The following LRCH2 variants were observed in gnomAD, a reference collection of about 807,000 sequenced individuals.
LRCH2 encodes leucine rich repeats and calponin homology domain containing 2, also known as leucine-rich repeat and calponin homology domain-containing protein 2.
In LRCH2, 38 loss-of-function variants were observed where a neutral mutation model predicts 68.9. That is an observed-to-expected ratio of 0.55 (90% CI 0.43 to 0.72). The LOEUF (loss-of-function observed/expected upper bound fraction) is 0.72, where lower values mean the gene tolerates loss of function less well. Among genes scored for constraint, LRCH2 ranks in the 30% least tolerant of loss-of-function variants. The pLI is 0.00. For missense variants in LRCH2, 528 were observed against 572.9 expected (o/e 0.92, Z 0.80); for synonymous variants, 191 against 208.1 (o/e 0.92, Z 0.71).
At chrX:115,148,023 T>C (rs1290571447) in intron 14 of LRCH2, among the ~76,000 whole-genome samples, 1 of 110,973 alleles carries the variant, frequency 9.0e-6, no homozygotes, top group Non-Finnish European at 1.9e-5. Context: ...TGTGCTATGA[T>C]CACGCTATTG....
chrX:115,202,120 A>G (rs1023488891), intron 1 of LRCH2, among the ~76,000 whole-genome samples: 1 of 112,141 alleles, frequency 8.9e-6, no homozygotes, highest in Non-Finnish European at 1.9e-5. Context: ...CCAAAATACC[A>G]ACATCATTTT....
chrX:115,159,942 A>G (rs2072505258), intron 11 of LRCH2, among the ~76,000 whole-genome samples: 2 of 110,847 alleles, frequency 1.8e-5, no homozygotes, highest in African/African-American at 6.6e-5. Context: ...TCTGTACAAT[A>G]TCCTCTTGCT....
At chrX:115,146,912 C>T (rs1348641816) in intron 14 of LRCH2, among the ~76,000 whole-genome samples, 3 of 48,544 alleles carry the variant, frequency 6.2e-5, no homozygotes, top group African/African-American at 9.6e-5. Flanking sequence ...TACATACACA[C>T]ACACACACAC....
intron 1 of LRCH2, among the ~76,000 whole-genome samples, chrX:115,217,708 T>A (rs1437632536): frequency 8.9e-6 from 1 of 111,995 alleles, no homozygotes; most frequent in African/African-American, 3.2e-5. Flanking sequence ...TGTCTCTTTA[T>A]AGTAGAATGA....
chrX:115,183,053 TGCACACGCAC>T lies in LRCH2; in HGVS notation c.621+1348_621+1357del, dbSNP rs1236382710. ...AAAGAAGAATTAGGACAGTCACGCA[TGCACACGCAC>T]GCACACGCACACACACACACACACA... On this transcript the variant is annotated intron_variant, in intron 3 of 20. Transcript: ENST00000317135. 9.2e-5 allele frequency among the ~76,000 whole-genome samples: 10 copies of T among 108,609 alleles called. No individual in the cohort carries two copies. The South Asian group carries it at 1.2e-3, about 13-fold the overall frequency. The allele number at this position is 108,609 out of a possible 115,157, so 94.3% of individuals were successfully genotyped here. A position where few individuals can be genotyped will look rare whatever the true frequency, so the allele number is the denominator to read the frequency against.
At chrX:115,176,989 C>CA (rs1178427700) in intron 5 of LRCH2, among the ~76,000 whole-genome samples, 2 of 105,727 alleles carry the variant, frequency 1.9e-5, no homozygotes, top group African/African-American at 6.9e-5. Context: ...TCAGGCGATC[C>CA]ATCTGCCTCA....
chrX:115,123,420 C>T (rs1299703463), intron 17 of LRCH2, among the ~76,000 whole-genome samples: 2 of 112,029 alleles, frequency 1.8e-5, no homozygotes, highest in African/African-American at 6.5e-5. Flanking sequence ...TGTTCTTATT[C>T]AAACATACGT....
At position 115,221,435 on chromosome X, in the gene LRCH2, G is replaced by A. The variant is rs1263521137; in HGVS notation, c.349+12258C>T. On this transcript the variant is annotated intron_variant, in intron 1 of 20. Transcript: ENST00000317135. The stretch of plus-strand genomic sequence containing the variant: ...GAACAGGGTATATATTTATGAAGTA[G>A]TGGAAAACACAGAGGAAAACCAAAG... 4.6e-5 allele frequency among the ~76,000 whole-genome samples: 5 copies of A among 108,919 alleles called. No homozygotes were observed. In the East Asian group the frequency reaches 1.4e-3, roughly 31 times the overall value. The allele number at this position is 108,919 out of a possible 115,157, so 94.6% of individuals were successfully genotyped here.
chrX:115,204,550 AG>A (rs2072952558), intron 1 of LRCH2, among the ~76,000 whole-genome samples: 1 of 112,455 alleles, frequency 8.9e-6, no homozygotes, highest in Non-Finnish European at 1.9e-5. Flanking sequence ...AGAAACAGCC[AG>A]GTCACATCTT....
At position 115,197,728 on chromosome X, in the gene LRCH2, G is replaced by A. The variant is rs1444752007; in HGVS notation, c.350-9358C>T. On this transcript the variant is annotated intron_variant, in intron 1 of 20. Coordinates refer to ENST00000317135, the MANE Select transcript of LRCH2 (RefSeq NM_020871.4). ...GATCACACCACTACACTCCAGCCTG[G>A]GCAAAAGAAAAAGTCTCTCTCTCTC... is the stretch of plus-strand genomic sequence containing the variant. 4.7e-5 allele frequency among the ~76,000 whole-genome samples: 5 copies of A among 106,144 alleles called. No homozygotes were observed. In the East Asian group the frequency reaches 1.5e-3, roughly 31 times the overall value. The allele number at this position is 106,144 out of a possible 115,157, so 92.2% of individuals were successfully genotyped here. A position where few individuals can be genotyped will look rare whatever the true frequency, so the allele number is the denominator to read the frequency against.
intron 15 of LRCH2, among the ~76,000 whole-genome samples, chrX:115,128,950 A>G (rs1214991859): frequency 8.9e-6 from 1 of 112,120 alleles, no homozygotes; most frequent in Non-Finnish European, 1.9e-5. Flanking sequence ...TCACCTGGTA[A>G]TTTTAGTGTA....
At chrX:115,233,640 A>G in intron 1 of LRCH2, 53 bp downstream of exon 1, 3 of 1,069,427 alleles carry the variant, frequency 2.8e-6, no homozygotes, top group Non-Finnish European at 3.7e-6. Context: ...GCAGCCACCC[A>G]CTCCCCGCAC....
intron 1 of LRCH2, chrX:115,191,068 C>T: frequency 8.6e-7 from 1 of 1,162,570 alleles, no homozygotes. Flanking sequence ...CAGTTACGGC[C>T]AGAGCCACCG....
intron 14 of LRCH2, among the ~76,000 whole-genome samples, chrX:115,141,184 G>A (rs2072335433): frequency 9.4e-6 from 1 of 106,606 alleles, no homozygotes; most frequent in African/African-American, 3.4e-5. Context: ...CTTGCAGTGA[G>A]CCGAGATCAC....
chrX:115,192,508 C>T (rs782793535), intron 1 of LRCH2: 2 of 1,169,927 alleles, frequency 1.7e-6, no homozygotes, highest in Admixed American at 2.6e-5. Context: ...CAGACCGGAT[C>T]GTGGGCTCCC....
intron 14 of LRCH2, among the ~76,000 whole-genome samples, chrX:115,148,707 T>G (rs1556537302): frequency 9.0e-6 from 1 of 111,674 alleles, no homozygotes; most frequent in Non-Finnish European, 1.9e-5. Flanking sequence ...CTTTCACTAT[T>G]ATTGACCAGG....
rs181374978 is a variant in LRCH2, at chrX:115,179,686, C to T, written c.687G>A (p.Glu229=). 4,529 of 1,162,194 alleles carry T rather than the reference C, an allele frequency of 3.9e-3. 11 individuals are homozygous for T. The highest frequency in any genetic ancestry group is 4.7e-3 in the Non-Finnish European group (4,090 of 873,021). Residue 229 remains glutamate, a synonymous_variant, in exon 4 of 21, where the codon GAG becomes GAA. Coordinates refer to ENST00000317135, the MANE Select transcript of LRCH2 (RefSeq NM_020871.4). ...GAAGATTATTTCTTCTTATATTTAG[C>T]TCTCTAAGTGAATGTAATTTTCCCA... ...QQMGKLHSLR[E]LNIRRNNLHV...
chrX:115,185,916 G>A (rs1244027959), intron 2 of LRCH2, among the ~76,000 whole-genome samples: 2 of 111,780 alleles, frequency 1.8e-5, no homozygotes, highest in Non-Finnish European at 3.8e-5. Flanking sequence ...TAGTATATAG[G>A]AAGAGAGAAG....
In LRCH2 at chrX:115,113,268, T is replaced by G. The variant is rs1603013137; in HGVS notation, c.2246A>C (p.Gln749Pro). ...RGLVKVGVTVQALLELPTTKA... is the reference protein window; with the variant it reads ...RGLVKVGVTVPALLELPTTKA... ...GGTTGTTGGTAATTCAAGGAGCGCC[T>G]GAACTGTGACACCAACTTTCACAAG... is the stretch of plus-strand genomic sequence containing the variant. The change falls in exon 21 of 21, where the codon CAG becomes CCG. Residue 749 changes from glutamine to proline, a missense_variant. Coordinates refer to ENST00000317135, the MANE Select transcript of LRCH2 (RefSeq NM_020871.4). The G allele has an allele frequency of 8.4e-7, 1 of 1,196,530 alleles. No individual in the cohort carries two copies. Among genetic ancestry groups the G allele is most frequent in the East Asian group, 3.0e-5 (1 of 33,570 alleles).
Sources: gnomAD v4.1 joint callset for allele counts (sites outside exome capture counted in the v4.1 genomes callset) on GRCh38, gnomAD v4.1.1 for gene constraint, MANE v1.5 for transcripts, NCBI Gene and HGNC (gene_info 2026-07-23, HGNC 2026-07-21) for gene names.